The following DAB1 variants were observed in gnomAD, a reference collection of about 807,000 sequenced individuals.
DAB1 encodes the protein DAB adaptor protein 1.
In DAB1, 15 loss-of-function variants were observed where a neutral mutation model predicts 64.6. That is an observed-to-expected ratio of 0.23 (90% CI 0.16 to 0.36). The LOEUF (loss-of-function observed/expected upper bound fraction) is 0.36. DAB1 is among the 10% of genes least tolerant of loss of function. The pLI is 1.00. For missense variants in DAB1, 596 were observed against 706.7 expected (o/e 0.84, Z 1.78); for synonymous variants, 235 against 251.9 (o/e 0.93, Z 0.64).
chr1:57,444,543 C>A (rs1686066890), intron 7 of DAB1, among the ~76,000 whole-genome samples: 2 of 152,108 alleles, frequency 1.3e-5, no homozygotes, highest in East Asian at 1.9e-4. Flanking sequence ...AAAAAAGAAT[C>A]TTTGCAAATC....
chr1:57,465,854 G>A (rs900409063), intron 7 of DAB1, among the ~76,000 whole-genome samples: 8 of 152,110 alleles, frequency 5.3e-5, no homozygotes, highest in Non-Finnish European at 1.2e-4. Context: ...TAAAGACCAG[G>A]TTGAAACAAG....
intron 5 of DAB1, among the ~76,000 whole-genome samples, chr1:58,150,190 C>T (rs1423404174): frequency 2.6e-5 from 4 of 152,164 alleles, no homozygotes; most frequent in Admixed American, 1.3e-4. Flanking sequence ...CAGGAAGTTG[C>T]AGAGCCAAGA....
chr1:57,702,179 T>C (rs954624401), intron 6 of DAB1, among the ~76,000 whole-genome samples: 17 of 152,154 alleles, frequency 1.1e-4, no homozygotes, highest in African/African-American at 4.1e-4. Context: ...TGCAATTCAC[T>C]GTCTGCTTGG....
At chr1:57,974,724 T>TGC (rs1244787239) in intron 5 of DAB1, among the ~76,000 whole-genome samples, 1 of 152,156 alleles carries the variant, frequency 6.6e-6, no homozygotes, top group East Asian at 1.9e-4. Flanking sequence ...CTTGCACATA[T>TGC]ATCTTCCATA....
chr1:57,060,341 G>A (rs377303915), intron 9 of DAB1, among the ~76,000 whole-genome samples: 1 of 151,698 alleles, frequency 6.6e-6, no homozygotes, highest in African/African-American at 2.4e-5. Flanking sequence ...TAGTAGAGAC[G>A]GGGTTTCACC....
intron 3 of DAB1, among the ~76,000 whole-genome samples, chr1:58,392,585 C>A (rs1219163389): frequency 3.9e-5 from 6 of 152,088 alleles, no homozygotes; most frequent in Non-Finnish European, 8.8e-5. Flanking sequence ...CTCTCCCATA[C>A]TAAAAAAGGA....
At chr1:58,216,122 C>A (rs1022858787) in intron 4 of DAB1, among the ~76,000 whole-genome samples, 1 of 152,100 alleles carries the variant, frequency 6.6e-6, no homozygotes, top group African/African-American at 2.4e-5. Context: ...TGGTGGTTTG[C>A]TGCACCCATC....
At chr1:58,539,538 TTTTCA>T (rs1646571404) in intron 1 of DAB1, among the ~76,000 whole-genome samples, 1 of 152,252 alleles carries the variant, frequency 6.6e-6, no homozygotes, top group East Asian at 1.9e-4. Context: ...GCTTGAATTT[TTTTCA>T]TTTCATTTTT....
intron 5 of DAB1, among the ~76,000 whole-genome samples, chr1:57,985,601 TAA>T: frequency 6.6e-6 from 1 of 151,752 alleles, no homozygotes. Flanking sequence ...GAGAAAAATA[TAA>T]AGTTTCCAAC....
intron 7 of DAB1, among the ~76,000 whole-genome samples, chr1:57,599,225 T>C (rs1183555019): frequency 6.6e-6 from 1 of 151,752 alleles, no homozygotes; most frequent in Non-Finnish European, 1.5e-5. Flanking sequence ...AATTTTTTTC[T>C]ATAATTGAAA....
At chr1:58,393,872 A>C (rs1644496972) in intron 3 of DAB1, among the ~76,000 whole-genome samples, 4 of 152,236 alleles carry the variant, frequency 2.6e-5, no homozygotes, top group African/African-American at 7.2e-5. Context: ...GTAGATTTTA[A>C]ATATTTTTAC....
chr1:58,311,636 G>A (rs762446326), intron 4 of DAB1, among the ~76,000 whole-genome samples: 7 of 152,126 alleles, frequency 4.6e-5, no homozygotes, highest in Admixed American at 1.3e-4. Context: ...CTTTTCAGAG[G>A]TAAACCAAGG....
Position 58,095,057 on chromosome 1 carries a change from T to C in DAB1, n.387+55454A>G, listed in dbSNP as rs1289823476. On this transcript the variant is annotated intron_variant and non_coding_transcript_variant, in intron 5 of 20. Transcript: ENST00000485760. The stretch of plus-strand genomic sequence containing the variant: ...GTCAATGACACTTGATTTGGAAAAA[T>C]AGGCGCTGGGTGGAATTTGGGCCTG... Among the ~76,000 whole-genome samples, 3 of 152,156 alleles carry C rather than the reference T, an allele frequency of 2.0e-5. No homozygotes were observed. The East Asian group carries it at 5.8e-4, about 29-fold the overall frequency.
chr1:58,208,289 G>A (rs1658380831), intron 4 of DAB1, among the ~76,000 whole-genome samples: 1 of 152,018 alleles, frequency 6.6e-6, no homozygotes, highest in Admixed American at 6.6e-5. Context: ...CTTTTTTTTA[G>A]CATTTTAAAA....
At chr1:57,078,039 G>A (rs1652150585) in intron 4 of DAB1, among the ~76,000 whole-genome samples, 1 of 152,128 alleles carries the variant, frequency 6.6e-6, no homozygotes. Context: ...ACAAAGGGAG[G>A]CCCAGGCTCA....
chr1:58,418,971 TG>T (rs1557754509), intron 3 of DAB1, among the ~76,000 whole-genome samples: 1 of 152,172 alleles, frequency 6.6e-6, no homozygotes, highest in Non-Finnish European at 1.5e-5. Flanking sequence ...CAGTATATTA[TG>T]GAGATAGATG....
chr1:57,269,024 C>A (rs922592999), intron 2 of DAB1, among the ~76,000 whole-genome samples: 7 of 152,064 alleles, frequency 4.6e-5, no homozygotes, highest in African/African-American at 1.7e-4. Flanking sequence ...GTGGCTGGGG[C>A]TGTGGTGGAG....
At chr1:58,114,842 G>C (rs1051972272) in intron 5 of DAB1, among the ~76,000 whole-genome samples, 1 of 152,196 alleles carries the variant, frequency 6.6e-6, no homozygotes, top group African/African-American at 2.4e-5. Context: ...TGTGCCAGTT[G>C]CTCATGGTTG....
chr1:58,373,532 A>T (rs1246401415), intron 3 of DAB1, among the ~76,000 whole-genome samples: 1 of 151,390 alleles, frequency 6.6e-6, no homozygotes, highest in Admixed American at 6.6e-5. Flanking sequence ...ATAGTATTCC[A>T]TGGTGTATAT....
Sources: allele counts gnomAD v4.1 joint callset (sites outside exome capture counted in the v4.1 genomes callset), GRCh38; gene constraint gnomAD v4.1.1; transcripts MANE v1.5; gene names NCBI Gene and HGNC (gene_info 2026-07-23, HGNC 2026-07-21).